The following NXN variants were observed in gnomAD, a reference collection of about 807,000 sequenced individuals.
NXN encodes the protein nucleoredoxin 1.
In NXN, 16 loss-of-function variants were observed where a neutral mutation model predicts 48.6. The observed-to-expected ratio is 0.33, with a 90% confidence interval of 0.22 to 0.50. The LOEUF (loss-of-function observed/expected upper bound fraction) is 0.50, where lower values mean the gene tolerates loss of function less well. NXN is among the 20% of genes least tolerant of loss of function. The probability of loss-of-function intolerance (pLI) is 0.98; values close to 1 mark genes in which losing one functional copy is unlikely to be tolerated. For synonymous variants in NXN, 281 were observed against 269.6 expected, an observed-to-expected ratio of 1.04 and a Z score of -0.41; for missense variants, 492 against 605.5, an observed-to-expected ratio of 0.81 and a Z score of 1.97.
At chr17:890,607 T>G (rs143441719) in intron 1 of NXN, among the ~76,000 whole-genome samples, 5,998 of 151,962 alleles carry the variant, frequency 0.039, 180 homozygotes, top group Non-Finnish European at 0.062. Context: ...GGTCTCGATC[T>G]CCTGACCTCG....
At chr17:966,407 G>A (rs2069304127) in intron 1 of NXN, among the ~76,000 whole-genome samples, 1 of 152,012 alleles carries the variant, frequency 6.6e-6, no homozygotes, top group African/African-American at 2.4e-5. Context: ...GAGCGCAGTG[G>A]CACGAATTTG....
intron 1 of NXN, among the ~76,000 whole-genome samples, chr17:913,621 G>T (rs142225108): frequency 0.011 from 1,718 of 152,006 alleles, 33 homozygotes; most frequent in African/African-American, 0.04. Context: ...CCCAGGCAAT[G>T]CAGAGACCGG....
chr17:894,700 C>T (rs949512097), intron 1 of NXN, among the ~76,000 whole-genome samples: 33 of 152,308 alleles, frequency 2.2e-4, no homozygotes, highest in South Asian at 8.3e-4. Context: ...GGGGTCCTGC[C>T]GGGGGCAGCC....
chr17:889,694 AAAG>A (rs2068388512), intron 1 of NXN, among the ~76,000 whole-genome samples: 2 of 136,848 alleles, frequency 1.5e-5, no homozygotes, highest in Non-Finnish European at 3.1e-5. Flanking sequence ...AAGAAGAAAG[AAAG>A]AAAAAGAAAG....
intron 7 of NXN, 96 bp from the exon 8 acceptor site, chr17:801,227 C>T: frequency 1.0e-6 from 1 of 977,660 alleles, no homozygotes; most frequent in Non-Finnish European, 1.4e-6. Context: ...GTAGCTCCCG[C>T]ACCCTGAAGA....
At chr17:889,799 CAG>C (rs1223961723) in intron 1 of NXN, among the ~76,000 whole-genome samples, 93 of 152,196 alleles carry the variant, frequency 6.1e-4, no homozygotes, top group African/African-American at 2.2e-3. Flanking sequence ...GAAATGCAGA[CAG>C]ATTAATTGTT....
chr17:839,194 G>A (rs1432194597), intron 1 of NXN, among the ~76,000 whole-genome samples: 2 of 152,182 alleles, frequency 1.3e-5, no homozygotes, highest in African/African-American at 4.8e-5. Flanking sequence ...CAGCATTTTG[G>A]GAGGCCGAGG....
At chr17:802,630 G>C (rs987983920) in intron 7 of NXN, among the ~76,000 whole-genome samples, 1 of 152,298 alleles carries the variant, frequency 6.6e-6, no homozygotes, top group African/African-American at 2.4e-5. Context: ...AGCCTCCCTG[G>C]GGCTGGGCTT....
Position 959,398 on chromosome 17 carries a change from G to T in NXN, c.360+19921C>A, listed in dbSNP as rs549931592. On this transcript the variant is annotated intron_variant, in intron 1 of 7. Transcript: ENST00000336868. ...CCTGCCCCGGCCAGAGCGGGAGAACGGGCAGGGCGCCACTGGCCTGAGGAC... is the reference window on the plus strand; with the variant it reads ...CCTGCCCCGGCCAGAGCGGGAGAACTGGCAGGGCGCCACTGGCCTGAGGAC... The T allele has an allele frequency of 4.7e-5, 10 of 210,636 alleles. No individual in the cohort carries two copies. The East Asian group carries it at 9.2e-4, about 19-fold the overall frequency. The allele number at this position is 210,636 out of a possible 1,614,324, so 13.0% of individuals were successfully genotyped here.
In NXN at chr17:800,359, T is replaced by G. The variant is rs1321164305; in HGVS notation, c.*590A>C. 6.6e-6 allele frequency: 1 copy of G among 152,186 alleles called. No homozygotes were observed. The highest frequency in any genetic ancestry group is 1.5e-5 in the Non-Finnish European group (1 of 68,026). 9.4% of individuals were successfully genotyped at this position (152,186 alleles called of 1,614,324 possible). A position where few individuals can be genotyped will look rare whatever the true frequency, so the allele number is the denominator to read the frequency against. Reference sequence around the variant, plus strand: ...ATATGAACCATTACCTTAGCTACATTTTTCTTCTCACCCAAAAAACCTCTA... The same window carrying G: ...ATATGAACCATTACCTTAGCTACATGTTTCTTCTCACCCAAAAAACCTCTA... On this transcript the variant is annotated 3_prime_UTR_variant, in exon 8 of 8. Coordinates refer to ENST00000336868, the MANE Select transcript of NXN (RefSeq NM_022463.5).
At chr17:945,814 T>A (rs913384341) in intron 1 of NXN, among the ~76,000 whole-genome samples, 5 of 152,108 alleles carry the variant, frequency 3.3e-5, no homozygotes, top group Non-Finnish European at 7.4e-5. Context: ...CTCTCCTGAA[T>A]CCAGAGTATT....
At chr17:892,634 G>A (rs1400560617) in intron 1 of NXN, among the ~76,000 whole-genome samples, 1 of 152,176 alleles carries the variant, frequency 6.6e-6, no homozygotes, top group African/African-American at 2.4e-5. Flanking sequence ...GAAGGGGCGG[G>A]GCGGGGTGGG....
chr17:832,353 A>T (rs1436423958), intron 1 of NXN, among the ~76,000 whole-genome samples: 3 of 143,436 alleles, frequency 2.1e-5, no homozygotes, highest in East Asian at 4.1e-4. Flanking sequence ...ACTATTTTGT[A>T]TTTTTTTTTT....
chr17:970,590 G>A (rs1172052177), intron 1 of NXN, among the ~76,000 whole-genome samples: 2 of 152,154 alleles, frequency 1.3e-5, no homozygotes, highest in African/African-American at 4.8e-5. Flanking sequence ...TGCACACCTA[G>A]AGGAAGAAAG....
intron 1 of NXN, among the ~76,000 whole-genome samples, chr17:871,909 CG>C (rs1282866171): frequency 6.6e-6 from 1 of 150,806 alleles, no homozygotes; most frequent in Non-Finnish European, 1.5e-5. Context: ...CTGGGAAACT[CG>C]GGGGTGAGGG....
At chr17:979,221 A>T in intron 1 of NXN, 98 bp downstream of exon 1, 1 of 461,934 alleles carries the variant, frequency 2.2e-6, no homozygotes, top group Non-Finnish European at 2.6e-6. Flanking sequence ...CAGGGGGACA[A>T]CGGGGTTGGC....
At chr17:853,148 C>T (rs988583108) in intron 1 of NXN, among the ~76,000 whole-genome samples, 1 of 151,670 alleles carries the variant, frequency 6.6e-6, no homozygotes, top group Non-Finnish European at 1.5e-5. Context: ...CGGCTAAAAA[C>T]ATAAATGTTA....
intron 1 of NXN, among the ~76,000 whole-genome samples, chr17:931,174 C>T (rs559114561): frequency 7.2e-5 from 11 of 151,814 alleles, no homozygotes; most frequent in Admixed American, 3.9e-4. Context: ...GTAGGCCCAA[C>T]GACACAGGAG....
intron 1 of NXN, among the ~76,000 whole-genome samples, chr17:961,693 T>C (rs964493486): frequency 5.9e-5 from 9 of 152,266 alleles, no homozygotes; most frequent in African/African-American, 2.2e-4. Flanking sequence ...ACTGAATCTT[T>C]GAAAAGTTTG....
Sources: allele counts gnomAD v4.1 joint callset (sites outside exome capture counted in the v4.1 genomes callset), GRCh38; gene constraint gnomAD v4.1.1; transcripts MANE v1.5; gene names NCBI Gene and HGNC (gene_info 2026-07-23, HGNC 2026-07-21).